Variants in ZNF385D observed in about 807,000 individuals in gnomAD.
The protein encoded by ZNF385D is zinc finger protein 385D, also known as zinc finger protein 659.
ZNF385D carries 15 observed loss-of-function variants against 35.8 expected under a neutral mutation model. That is an observed-to-expected ratio of 0.42 (90% CI 0.28 to 0.64). The LOEUF (loss-of-function observed/expected upper bound fraction) is 0.64, where lower values mean the gene tolerates loss of function less well. ZNF385D is among the 30% of genes least tolerant of loss of function. The pLI, the probability that ZNF385D is intolerant of heterozygous loss-of-function variation, is 0.23. For missense variants in ZNF385D, 474 were observed against 494.6 expected, an observed-to-expected ratio of 0.96 and a Z score of 0.39; for synonymous variants, 212 against 186.8, an observed-to-expected ratio of 1.13 and a Z score of -1.10.
At chr3:22,128,539 G>T (rs1352738527) in intron 3 of ZNF385D, among the ~76,000 whole-genome samples, 1 of 151,938 alleles carries the variant, frequency 6.6e-6, no homozygotes, top group African/African-American at 2.4e-5. Flanking sequence ...CTATTTTCTA[G>T]ATCTTGTATG....
intron 3 of ZNF385D, among the ~76,000 whole-genome samples, chr3:21,953,779 G>A (rs1250092658): frequency 6.6e-6 from 1 of 151,952 alleles, no homozygotes; most frequent in Non-Finnish European, 1.5e-5. Flanking sequence ...ACTTAGGCTT[G>A]CACAAAGATA....
intron 3 of ZNF385D, among the ~76,000 whole-genome samples, chr3:21,783,297 C>T (rs2071562766): frequency 6.6e-6 from 1 of 152,046 alleles, no homozygotes; most frequent in Non-Finnish European, 1.5e-5. Context: ...TCAGGGCTTC[C>T]ATTAAATTAT....
Position 22,102,896 on chromosome 3 carries a change from G to GA in ZNF385D, c.325+65920dup, listed in dbSNP as rs11446123. Among the ~76,000 whole-genome samples the GA allele has an allele frequency of 5.5e-3, 540 of 97,572 alleles. 2 individuals are homozygous for GA. The highest frequency in any genetic ancestry group is 0.015 in the African/African-American group (276 of 18,088). The allele number at this position is 97,572 out of a possible 152,430, so 64.0% of individuals were successfully genotyped here. On this transcript the variant is annotated intron_variant, in intron 3 of 5. Coordinates refer to the ZNF385D transcript ENST00000494108. ...CCTAATAAACTGTGAATTTATCAGG[G>GA]AAAAAAAAAAACCAACAAGTTCTCA...
intron 3 of ZNF385D, among the ~76,000 whole-genome samples, chr3:22,078,332 G>C (rs1439153187): frequency 6.6e-6 from 1 of 152,006 alleles, no homozygotes; most frequent in Non-Finnish European, 1.5e-5. Context: ...ATATAACCAA[G>C]TATGCTCATC....
At chr3:22,153,679 G>A (rs551584936) in intron 3 of ZNF385D, among the ~76,000 whole-genome samples, 1 of 152,092 alleles carries the variant, frequency 6.6e-6, no homozygotes, top group Non-Finnish European at 1.5e-5. Flanking sequence ...GGTCAGGCTG[G>A]TCTTGAACTC....
rs2065758585 is a variant in ZNF385D at position 21,646,549 on chromosome 3, G to C, written c.165+18337C>G. Among the ~76,000 whole-genome samples the C allele has an allele frequency of 6.6e-6, 1 of 152,152 alleles. No individual in the cohort carries two copies. Among genetic ancestry groups the C allele is most frequent in the African/African-American group, 2.4e-5 (1 of 41,430 alleles). ...GAAACTAATTCAGCAAATACTAACT[G>C]AGTGTCTATTGTGTATTGACCACCT... On this transcript the variant is annotated intron_variant, in intron 2 of 7. Transcript: ENST00000281523. The surrounding 1 kb of genome is among the most constrained non-coding windows in gnomAD (Gnocchi z 4.3).
chr3:22,238,877 C>T (rs1382571547), intron 2 of ZNF385D, among the ~76,000 whole-genome samples: 2 of 150,440 alleles, frequency 1.3e-5, no homozygotes, highest in Admixed American at 1.3e-4. Flanking sequence ...GGATTACAGG[C>T]ATGCACCACT....
intron 2 of ZNF385D, among the ~76,000 whole-genome samples, chr3:22,201,818 T>A: frequency 6.6e-6 from 1 of 151,602 alleles, no homozygotes; most frequent in South Asian, 2.1e-4. Flanking sequence ...TACATATATA[T>A]ATATAAATTT....
intron 3 of ZNF385D, among the ~76,000 whole-genome samples, chr3:21,767,786 A>G (rs2070896358): frequency 6.6e-6 from 1 of 152,104 alleles, no homozygotes; most frequent in African/African-American, 2.4e-5. Context: ...ATATTTAGAT[A>G]AAAGACAAAT....
At chr3:22,194,493 C>A (rs1298682387) in intron 2 of ZNF385D, among the ~76,000 whole-genome samples, 2 of 151,780 alleles carry the variant, frequency 1.3e-5, no homozygotes, top group Non-Finnish European at 2.9e-5. Flanking sequence ...CCATTTATAT[C>A]TTTCTTCTTT....
chr3:21,608,458 T>G (rs1257328004), intron 2 of ZNF385D, among the ~76,000 whole-genome samples: 3 of 152,192 alleles, frequency 2.0e-5, no homozygotes, highest in African/African-American at 7.2e-5. Flanking sequence ...AACTCTGTAT[T>G]TAGATTACCT....
chr3:22,160,814 G>C (rs1216628246), intron 3 of ZNF385D, among the ~76,000 whole-genome samples: 1 of 152,096 alleles, frequency 6.6e-6, no homozygotes, highest in Non-Finnish European at 1.5e-5. Flanking sequence ...GACAAAGATA[G>C]TGTGAATAAA....
At chr3:21,945,217 G>C (rs1041379998) in intron 3 of ZNF385D, among the ~76,000 whole-genome samples, 1 of 151,986 alleles carries the variant, frequency 6.6e-6, no homozygotes, top group Non-Finnish European at 1.5e-5. Context: ...GAATGAAAGA[G>C]AGAAAGAGAC....
chr3:21,628,015 T>C (rs564840738), intron 2 of ZNF385D, among the ~76,000 whole-genome samples: 1 of 152,276 alleles, frequency 6.6e-6, no homozygotes, highest in Non-Finnish European at 1.5e-5. Flanking sequence ...GTCTGAGATT[T>C]GCAAGACAAA....
chr3:21,587,340 G>C (rs1306956322), intron 2 of ZNF385D, among the ~76,000 whole-genome samples: 3 of 152,154 alleles, frequency 2.0e-5, no homozygotes, highest in African/African-American at 7.2e-5. Context: ...GAAAAATACA[G>C]GACATAATTC....
chr3:21,658,280 C>T (rs1269826423), intron 2 of ZNF385D, among the ~76,000 whole-genome samples: 1 of 152,026 alleles, frequency 6.6e-6, no homozygotes, highest in Non-Finnish European at 1.5e-5. Context: ...TTTTACATCA[C>T]TGTCCTTTTA....
Position 21,665,001 on chromosome 3 carries a change from G to T in ZNF385D, c.50C>A (p.Pro17Gln). The change falls in exon 2 of 8, where the codon CCG becomes CAG. Residue 17 changes from proline to glutamine, a missense_variant. By Grantham distance (76) the Pro-to-Gln change is moderately conservative. Transcript: ENST00000281523. ...AGGGGCTGGTGGACGGACAAGGGCC[G>T]GGAGAGCAGGACTCTGGCATGTACC... is the stretch of plus-strand genomic sequence containing the variant. ...FGGTCQSPALPALVRPPAPPL... is the reference protein window; with the variant it reads ...FGGTCQSPALQALVRPPAPPL... 6.2e-7 allele frequency: 1 copy of T among 1,612,606 alleles called. No individual in the cohort carries two copies. The highest frequency in any genetic ancestry group is 1.7e-4 in the Middle Eastern group (1 of 6,026).
At chr3:22,359,435 T>TACC (rs1696313559) in intron 2 of ZNF385D, among the ~76,000 whole-genome samples, 1 of 151,910 alleles carries the variant, frequency 6.6e-6, no homozygotes, top group South Asian at 2.1e-4. Flanking sequence ...GAGGCTCTAC[T>TACC]ACCTTGGGCA....
intron 3 of ZNF385D, among the ~76,000 whole-genome samples, chr3:22,085,892 G>A (rs146223145): frequency 9.9e-5 from 15 of 152,242 alleles, no homozygotes; most frequent in African/African-American, 3.6e-4. Context: ...TTGCAAGGAT[G>A]GTTTAACATA....
Sources: gnomAD v4.1 joint callset for allele counts (sites outside exome capture counted in the v4.1 genomes callset) on GRCh38, gnomAD v4.1.1 for gene constraint, Gnocchi (gnomAD v3.1) non-coding constraint, MANE v1.5 for transcripts, NCBI Gene and HGNC (gene_info 2026-07-23, HGNC 2026-07-21) for gene names.